SUGCT: variants seen among roughly 807,000 people sequenced by gnomAD.
SUGCT encodes the protein succinyl-CoA:glutarate CoA-transferase.
SUGCT carries 41 observed loss-of-function variants against 55.0 expected under a neutral mutation model. The ratio of observed to expected loss-of-function variants is 0.74; its 90% CI spans 0.58 to 0.97. SUGCT has a LOEUF of 0.97. Ranked by LOEUF, SUGCT falls within the 50% of genes least tolerant of loss-of-function variation. The pLI is 0.00. For synonymous variants in SUGCT, 187 were observed against 200.4 expected (o/e 0.93, Z 0.56); for missense variants, 568 against 547.8 (o/e 1.04, Z -0.37).
intron 9 of SUGCT, among the ~76,000 whole-genome samples, chr7:40,399,147 A>T (rs889847612): frequency 2.0e-5 from 3 of 152,170 alleles, no homozygotes; most frequent in African/African-American, 7.2e-5. Context: ...AAATTTTTTT[A>T]AAAAACAAAA....
intron 11 of SUGCT, among the ~76,000 whole-genome samples, chr7:40,495,082 T>C (rs1791896178): frequency 6.6e-6 from 1 of 152,034 alleles, no homozygotes. Context: ...GGCTAAATTT[T>C]TGTATTTTTA....
At chr7:40,383,901 T>A (rs1176047613) in intron 9 of SUGCT, among the ~76,000 whole-genome samples, 5 of 152,186 alleles carry the variant, frequency 3.3e-5, no homozygotes, top group African/African-American at 1.2e-4. Flanking sequence ...TTCTGTAATA[T>A]GCTTCCCCCT....
chr7:40,387,670 C>A (rs1785194132), intron 9 of SUGCT, among the ~76,000 whole-genome samples: 1 of 152,044 alleles, frequency 6.6e-6, no homozygotes, highest in East Asian at 1.9e-4. Flanking sequence ...CAAATGAGTT[C>A]TCCTCTGTTA....
At chr7:40,451,282 A>G (rs1300079764) in intron 10 of SUGCT, among the ~76,000 whole-genome samples, 1 of 152,174 alleles carries the variant, frequency 6.6e-6, no homozygotes, top group Non-Finnish European at 1.5e-5. Context: ...ACTGTTTGAC[A>G]TACTCTTTAG....
At chr7:40,946,308 T>C in the SUGCT span, among the ~76,000 whole-genome samples, 7 of 152,028 alleles carry the variant, frequency 4.6e-5, no homozygotes, top group African/African-American at 1.7e-4. Context: ...GTGACCATAG[T>C]GGGTGGAGGG....
At chr7:40,978,494 C>T in the SUGCT span, among the ~76,000 whole-genome samples, 6 of 152,202 alleles carry the variant, frequency 3.9e-5, no homozygotes, top group Middle Eastern at 3.4e-3. Flanking sequence ...ATGTGGTCCC[C>T]GTGCTCATGG....
At chr7:40,538,112 T>C (rs1406826035) in intron 12 of SUGCT, 1 of 152,198 alleles carries the variant, frequency 6.6e-6, no homozygotes, top group Non-Finnish European at 1.5e-5. Context: ...AATTCATAAA[T>C]ATTATACCAT....
intron 9 of SUGCT, among the ~76,000 whole-genome samples, chr7:40,332,439 T>C (rs967616662): frequency 1.3e-4 from 12 of 88,996 alleles, no homozygotes; most frequent in East Asian, 4.3e-4. Flanking sequence ...GGAATCTGCA[T>C]TGGATTTTTT....
intron 13 of SUGCT, among the ~76,000 whole-genome samples, chr7:40,792,318 G>A (rs1023679423): frequency 6.6e-6 from 1 of 152,076 alleles, no homozygotes; most frequent in African/African-American, 2.4e-5. Context: ...TGTCATCTGT[G>A]CACATCCCAA....
intron 9 of SUGCT, among the ~76,000 whole-genome samples, chr7:40,394,606 T>G (rs1331459111): frequency 1.3e-5 from 2 of 152,238 alleles, no homozygotes; most frequent in Non-Finnish European, 2.9e-5. Flanking sequence ...CGTCACCATG[T>G]TGTGCAATAG....
chr7:40,395,516 A>AG (rs1250212069), intron 9 of SUGCT, among the ~76,000 whole-genome samples: 9 of 143,840 alleles, frequency 6.3e-5, no homozygotes, highest in African/African-American at 1.8e-4. Flanking sequence ...AAAAAAAAAG[A>AG]AAAAAAAATT....
the SUGCT span, among the ~76,000 whole-genome samples, chr7:40,968,640 A>G: frequency 1.3e-5 from 2 of 152,204 alleles, no homozygotes; most frequent in Admixed American, 1.3e-4. Flanking sequence ...CCTACAGGAA[A>G]ATAAGTGCTG....
rs1001974365 is a variant in SUGCT, at chr7:40,556,408, G to A, written c.1089+60022G>A. 3.9e-5 allele frequency among the ~76,000 whole-genome samples: 6 copies of A among 152,210 alleles called. No individual in the cohort carries two copies. The South Asian group carries it at 8.3e-4, about 21-fold the overall frequency. ...GCTGAGGCAGGCCCTTCAAACCCTTGTTTGGATTCTTCCCCTTCTCAGTCC... is the reference window on the plus strand; with the variant it reads ...GCTGAGGCAGGCCCTTCAAACCCTTATTTGGATTCTTCCCCTTCTCAGTCC... On this transcript the variant is annotated intron_variant, in intron 12 of 13. Coordinates refer to ENST00000335693, the MANE Select transcript of SUGCT (RefSeq NM_001193313.2).
intron 6 of SUGCT, among the ~76,000 whole-genome samples, chr7:40,221,399 G>C (rs963745838): frequency 2.0e-5 from 3 of 147,804 alleles, no homozygotes; most frequent in African/African-American, 7.5e-5. Flanking sequence ...GGGTGACAGA[G>C]CGAGACCCTG....
In SUGCT at chr7:40,496,311, G is replaced by A; in HGVS notation, c.1014G>A (p.Trp338Ter). ...TTGAAGAAGAACTGACCAGCAAGTGGTTATATCTTTTTGAAGGCAGTGGAG... is the reference window on the plus strand; with the variant it reads ...TTGAAGAAGAACTGACCAGCAAGTGATTATATCTTTTTGAAGGCAGTGGAG... ...ERFEEELTSK[W>*]LYLFEGSGVP... is the part of the protein sequence containing the mutation. Residue 338 changes from tryptophan (W) to a stop codon, truncating the protein, a stop_gained, in exon 12 of 14, where the codon TGG becomes TGA. Coordinates refer to ENST00000335693, the MANE Select transcript of SUGCT (RefSeq NM_001193313.2). LOFTEE classifies it high-confidence loss of function. 1 of 1,612,888 alleles carries A rather than the reference G, an allele frequency of 6.2e-7. No homozygotes were observed. Among genetic ancestry groups the A allele is most frequent in the Non-Finnish European group, 8.5e-7 (1 of 1,179,346 alleles).
intron 12 of SUGCT, among the ~76,000 whole-genome samples, chr7:40,571,716 C>T (rs1224547463): frequency 6.6e-6 from 1 of 152,138 alleles, no homozygotes; most frequent in Non-Finnish European, 1.5e-5. Flanking sequence ...CAAGCACCAC[C>T]ACCAAGCTAC....
intron 9 of SUGCT, among the ~76,000 whole-genome samples, chr7:40,328,756 T>G (rs1796145062): frequency 6.6e-6 from 1 of 152,026 alleles, no homozygotes; most frequent in African/African-American, 2.4e-5. Context: ...TGTGCATGTG[T>G]GTGTATGTGT....
the SUGCT span, among the ~76,000 whole-genome samples, chr7:41,009,956 TG>T: frequency 1.3e-5 from 2 of 152,360 alleles, no homozygotes; most frequent in African/African-American, 4.8e-5. Flanking sequence ...AGATATGTGC[TG>T]TATTCACATG....
intron 12 of SUGCT, among the ~76,000 whole-genome samples, chr7:40,731,049 A>T (rs1197880320): frequency 1.3e-5 from 2 of 152,178 alleles, no homozygotes; most frequent in East Asian, 3.9e-4. Context: ...GGGCAAAGTC[A>T]AGGAGACTTC....
Sources: gnomAD v4.1 joint callset for allele counts (sites outside exome capture counted in the v4.1 genomes callset) on GRCh38, gnomAD v4.1.1 for gene constraint, MANE v1.5 for transcripts, NCBI Gene and HGNC (gene_info 2026-07-23, HGNC 2026-07-21) for gene names.